The following PLAAT3 variants were observed in gnomAD, a reference collection of about 807,000 sequenced individuals.
PLAAT3 encodes phospholipase A and acyltransferase 3.
In PLAAT3, 21 loss-of-function variants were observed where a neutral mutation model predicts 16.7. The ratio of observed to expected loss-of-function variants is 1.26; its 90% CI spans 0.89 to 1.81. PLAAT3 has a LOEUF of 1.81. PLAAT3 is among the 40% of genes most tolerant of loss of function. The pLI, the probability that PLAAT3 is intolerant of heterozygous loss-of-function variation, is 0.00. For missense variants in PLAAT3, 219 were observed against 213.7 expected (o/e 1.02, Z -0.16); for synonymous variants, 76 against 81.7 (o/e 0.93, Z 0.38).
intron 1 of PLAAT3, 77 bp from the exon 2 acceptor site, chr11:63,614,145 G>T: frequency 7.8e-7 from 1 of 1,281,980 alleles, no homozygotes; most frequent in Non-Finnish European, 1.1e-6. Context: ...TGCGGCTTCT[G>T]TTGGGCAGGG....
intron 2 of PLAAT3, chr11:63,598,722 G>A (rs1938353404): frequency 1.9e-6 from 1 of 518,210 alleles, no homozygotes; most frequent in Non-Finnish European, 3.9e-6. Flanking sequence ...CATGCCAGAG[G>A]CTGCCAGATC....
intron 4 of PLAAT3, among the ~76,000 whole-genome samples, chr11:63,575,738 T>C (rs2017650718): frequency 6.6e-6 from 1 of 152,130 alleles, no homozygotes; most frequent in Non-Finnish European, 1.5e-5. Flanking sequence ...GTTTAAGGCA[T>C]AATTCCACAA....
intron 3 of PLAAT3, among the ~76,000 whole-genome samples, chr11:63,595,587 T>G (rs1207042182): frequency 1.3e-5 from 2 of 152,152 alleles, no homozygotes; most frequent in African/African-American, 4.8e-5. Flanking sequence ...GAATGATGGT[T>G]GCCTGGGCGA....
At chr11:63,591,591 G>A (rs1045768287) in intron 3 of PLAAT3, among the ~76,000 whole-genome samples, 8 of 152,126 alleles carry the variant, frequency 5.3e-5, no homozygotes, top group African/African-American at 1.9e-4. Flanking sequence ...GCAACAGCAG[G>A]AGAGGCCGAT....
intron 2 of PLAAT3, among the ~76,000 whole-genome samples, chr11:63,607,790 G>T (rs955259768): frequency 2.6e-5 from 4 of 152,080 alleles, no homozygotes; most frequent in African/African-American, 9.6e-5. Context: ...GGGCAGGCAG[G>T]GCAGGGGCTT....
At chr11:63,595,100 G>T (rs1215476378) in intron 3 of PLAAT3, among the ~76,000 whole-genome samples, 1 of 152,070 alleles carries the variant, frequency 6.6e-6, no homozygotes, top group Non-Finnish European at 1.5e-5. Flanking sequence ...AGACCAGCCT[G>T]GCCAACATGG....
intron 2 of PLAAT3, among the ~76,000 whole-genome samples, chr11:63,608,066 C>T (rs1565257142): frequency 6.6e-6 from 1 of 152,126 alleles, no homozygotes; most frequent in Non-Finnish European, 1.5e-5. Context: ...CCTGTAGTCC[C>T]AGCTACTCGG....
At chr11:63,577,841 A>G (rs540782424) in intron 4 of PLAAT3, among the ~76,000 whole-genome samples, 1 of 152,322 alleles carries the variant, frequency 6.6e-6, no homozygotes, top group East Asian at 1.9e-4. Context: ...CAATATTGAG[A>G]AAATAAAAAC....
intron 2 of PLAAT3, among the ~76,000 whole-genome samples, chr11:63,600,436 A>G (rs1390045643): frequency 6.6e-6 from 1 of 152,186 alleles, no homozygotes; most frequent in African/African-American, 2.4e-5. Context: ...TTCCATCTAT[A>G]TGTCATTCCA....
intron 1 of PLAAT3, 96 bp from the exon 2 acceptor site, chr11:63,614,164 G>A (rs892812989): frequency 2.1e-5 from 22 of 1,031,356 alleles, no homozygotes; most frequent in Non-Finnish European, 3.2e-5. Context: ...GGCGTGAGAG[G>A]CGCGCCTCGG....
intron 3 of PLAAT3, among the ~76,000 whole-genome samples, chr11:63,597,803 G>A (rs576079507): frequency 1.3e-5 from 2 of 152,274 alleles, no homozygotes; most frequent in African/African-American, 2.4e-5. Context: ...CTGGAGCCCA[G>A]TTCCTACCCA....
At chr11:63,604,100 T>G (rs1247467336) in intron 2 of PLAAT3, among the ~76,000 whole-genome samples, 1 of 152,126 alleles carries the variant, frequency 6.6e-6, no homozygotes, top group East Asian at 1.9e-4. Context: ...TGCAGTGAGC[T>G]GAGATCACGC....
At chr11:63,581,814 T>G (rs1393057331) in intron 4 of PLAAT3, among the ~76,000 whole-genome samples, 3 of 152,212 alleles carry the variant, frequency 2.0e-5, no homozygotes, top group Admixed American at 6.5e-5. Context: ...ACTCTTTCTC[T>G]TTATTTCTCA....
At chr11:63,612,380 T>G (rs1049534947) in intron 2 of PLAAT3, among the ~76,000 whole-genome samples, 1 of 152,184 alleles carries the variant, frequency 6.6e-6, no homozygotes, top group Non-Finnish European at 1.5e-5. Flanking sequence ...AAAAAAGATT[T>G]AGGCAGTATT....
intron 4 of PLAAT3, among the ~76,000 whole-genome samples, chr11:63,579,657 G>A (rs12226485): frequency 0.66 from 96,871 of 146,488 alleles, 33,017 homozygotes; most frequent in East Asian, 0.94. Context: ...TCACTCATAG[G>A]TGGGAATTGA....
At position 63,574,462 on chromosome 11, in the gene PLAAT3, C is replaced by CT. The variant is rs879695272; in HGVS notation, c.*482dup. On this transcript the variant is annotated 3_prime_UTR_variant, in exon 5 of 5. Transcript: ENST00000415826. Reference sequence around the variant, plus strand: ...TACTAAATTTCCTTATAGCCGAGGACTTTTTTTTTTTCAACTCAGCTGAAC... The same window carrying CT: ...TACTAAATTTCCTTATAGCCGAGGACTTTTTTTTTTTTCAACTCAGCTGAAC... 4.1e-4 allele frequency: 60 copies of CT among 145,130 alleles called. No individual in the cohort carries two copies. The highest frequency in any genetic ancestry group is 5.6e-4 in the Admixed American group (8 of 14,264). The allele number at this position is 145,130 out of a possible 1,614,324, so 9.0% of individuals were successfully genotyped here. A position where few individuals can be genotyped will look rare whatever the true frequency, so the allele number is the denominator to read the frequency against.
chr11:63,593,775 T>C (rs1938211894), intron 3 of PLAAT3, among the ~76,000 whole-genome samples: 1 of 152,224 alleles, frequency 6.6e-6, no homozygotes, highest in South Asian at 2.1e-4. Context: ...AGACGGGGTT[T>C]CGCCATGTTG....
Position 63,614,049 on chromosome 11 carries a change from C to T in PLAAT3, c.-35G>A. On this transcript the variant is annotated 5_prime_UTR_variant, in exon 2 of 5. Coordinates refer to ENST00000415826, the MANE Select transcript of PLAAT3 (RefSeq NM_001128203.2). Reference sequence around the variant, plus strand: ...CGGTGTGGACCCTCAAGGCCAGGCTCGATTTCGCTGCGTAGATGTCTGAGG... The same window carrying T: ...CGGTGTGGACCCTCAAGGCCAGGCTTGATTTCGCTGCGTAGATGTCTGAGG... 2 of 1,613,634 alleles carry T rather than the reference C, an allele frequency of 1.2e-6. No homozygotes were observed. The highest frequency in any genetic ancestry group is 1.7e-6 in the Non-Finnish European group (2 of 1,179,714).
upstream of PLAAT3, among the ~76,000 whole-genome samples, chr11:63,615,340 A>G (rs79774693): frequency 8.2e-3 from 58 of 7,036 alleles, 1 homozygote; most frequent in East Asian, 0.075. Context: ...ATATGTGTGT[A>G]TATATGTGTG....
Sources: allele counts gnomAD v4.1 joint callset (sites outside exome capture counted in the v4.1 genomes callset), GRCh38; gene constraint gnomAD v4.1.1; transcripts MANE v1.5; gene names NCBI Gene and HGNC (gene_info 2026-07-23, HGNC 2026-07-21).